Variants in BAZ2B observed in about 807,000 individuals in gnomAD.
BAZ2B encodes the protein bromodomain adjacent to zinc finger domain 2B.
A neutral mutation model predicts 246.0 loss-of-function variants in BAZ2B; 91 were observed. That is an observed-to-expected ratio of 0.37 (90% CI 0.31 to 0.44). The LOEUF is 0.44. Among genes scored for constraint, BAZ2B ranks in the 20% least tolerant of loss-of-function variants. The pLI is 1.00. For missense variants in BAZ2B, 2,332 were observed against 2,533.7 expected, an observed-to-expected ratio of 0.92 and a Z score of 1.71; for synonymous variants, 855 against 860.0, an observed-to-expected ratio of 0.99 and a Z score of 0.10.
the BAZ2B span, among the ~76,000 whole-genome samples, chr2:159,647,277 T>G: frequency 1.3e-5 from 2 of 152,166 alleles, no homozygotes; most frequent in African/African-American, 4.8e-5. Context: ...GACAATAGTT[T>G]AAGTCTGAAA....
At chr2:159,481,112 A>C (rs1218330178) in intron 2 of BAZ2B, among the ~76,000 whole-genome samples, 9 of 151,922 alleles carry the variant, frequency 5.9e-5, no homozygotes, top group Non-Finnish European at 1.5e-5. Flanking sequence ...TAGCCTTTGC[A>C]CTCTAGAATG....
At chr2:159,545,651 A>G (rs969974064) in intron 2 of BAZ2B, among the ~76,000 whole-genome samples, 1 of 152,202 alleles carries the variant, frequency 6.6e-6, no homozygotes, top group Non-Finnish European at 1.5e-5. Context: ...CACTACTAGG[A>G]AAAAGTACTG....
the BAZ2B span, among the ~76,000 whole-genome samples, chr2:159,681,095 C>T: frequency 6.6e-6 from 1 of 152,002 alleles, no homozygotes; most frequent in African/African-American, 2.4e-5. Flanking sequence ...ATAAAATGAG[C>T]CTGCTAATCT....
chr2:159,579,648 T>C (rs773943184), intron 1 of BAZ2B, among the ~76,000 whole-genome samples: 1 of 152,198 alleles, frequency 6.6e-6, no homozygotes, highest in Non-Finnish European at 1.5e-5. Context: ...CCAATATCCC[T>C]GATGAACATC....
chr2:159,435,758 G>A (rs1192494972), intron 8 of BAZ2B, among the ~76,000 whole-genome samples: 1 of 152,182 alleles, frequency 6.6e-6, no homozygotes, highest in East Asian at 1.9e-4. Context: ...CCAAAGTACT[G>A]GGATTATAGG....
chr2:159,349,858 A>G lies in BAZ2B; in HGVS notation c.4713T>C (p.Thr1571=). 6.2e-7 allele frequency: 1 copy of G among 1,614,184 alleles called. No homozygotes were observed. Among genetic ancestry groups the G allele is most frequent in the Non-Finnish European group, 8.5e-7 (1 of 1,180,020 alleles). The stretch of plus-strand genomic sequence containing the variant: ...TTGACATATCGGCATGAGTAAGTGA[A>G]GTGTCATCACAGGGTGTTCGTGGCA... ...SLLPRTPCDD[T]SLTHADMSTA... The change falls in exon 28 of 37, where the codon ACT becomes ACC. Residue 1571 remains threonine, a synonymous_variant. Transcript: ENST00000392783.
rs553494901 is a variant in BAZ2B, at chr2:159,326,495, G to A, written c.5944-577C>T. On this transcript the variant is annotated intron_variant, in intron 34 of 36. Transcript: ENST00000392783. ...TTCCACAAACTTGTGGTTCCCAGGTGTGAACAAAGCAGTGGTGAAAGATGG... is the reference window on the plus strand; with the variant it reads ...TTCCACAAACTTGTGGTTCCCAGGTATGAACAAAGCAGTGGTGAAAGATGG... 3.9e-5 allele frequency among the ~76,000 whole-genome samples: 6 copies of A among 152,266 alleles called. No individual in the cohort carries two copies. The South Asian group carries it at 1.2e-3, about 32-fold the overall frequency.
At chr2:159,385,108 A>C in intron 23 of BAZ2B, 47 bp downstream of exon 23, 1 of 1,545,194 alleles carries the variant, frequency 6.5e-7, no homozygotes, top group South Asian at 1.2e-5. Context: ...TTTGATTAGA[A>C]AAATTCAAAA....
rs532464024 is a variant in BAZ2B, at chr2:159,548,628, TCAAA to T, written c.-3+7191_-3+7194del. Among the ~76,000 whole-genome samples, 715 of 152,254 alleles carry T rather than the reference TCAAA, an allele frequency of 4.7e-3. 4 individuals carry two copies. Among genetic ancestry groups the T allele is most frequent in the African/African-American group, 0.016 (677 of 41,548 alleles). On this transcript the variant is annotated intron_variant, in intron 2 of 36. Transcript: ENST00000392783. Reference sequence around the variant, plus strand: ...TCAACACATGTATCAAAATATATTATCAAAATTAAAAATATTTAATGATAGTCAA... The same window carrying T: ...TCAACACATGTATCAAAATATATTATATTAAAAATATTTAATGATAGTCAA...
intron 3 of BAZ2B, among the ~76,000 whole-genome samples, chr2:159,475,611 A>C (rs2078429473): frequency 6.6e-6 from 1 of 152,132 alleles, no homozygotes; most frequent in African/African-American, 2.4e-5. Context: ...AGGAGATGTG[A>C]TCCTTTGTAG....
At chr2:159,412,719 T>C (rs1311784663) in intron 13 of BAZ2B, among the ~76,000 whole-genome samples, 174 bp from the exon 14 acceptor site, 1 of 152,242 alleles carries the variant, frequency 6.6e-6, no homozygotes, top group East Asian at 1.9e-4. Context: ...ATTCATGGCC[T>C]TTGGCATAGC....
In BAZ2B at chr2:159,324,282, G is replaced by A. The variant is rs149201616; in HGVS notation, c.6353+529C>T. Among the ~76,000 whole-genome samples, 716 of 152,168 alleles carry A rather than the reference G, an allele frequency of 4.7e-3. 4 individuals carry two copies. Among genetic ancestry groups the A allele is most frequent in the African/African-American group, 0.016 (684 of 41,534 alleles). ...GAAAAGCAAATAAGCTTTCTCTCCCGCATTTAATAAATGGAATTTTGGTAT... is the reference window on the plus strand; with the variant it reads ...GAAAAGCAAATAAGCTTTCTCTCCCACATTTAATAAATGGAATTTTGGTAT... On this transcript the variant is annotated intron_variant, in intron 36 of 36. Transcript: ENST00000392783.
chr2:159,438,420 T>C lies in BAZ2B; in HGVS notation c.1176A>G (p.Gln392=), dbSNP rs1418735711. The change falls in exon 8 of 37, where the codon CAA becomes CAG. Residue 392 remains glutamine (Q), a synonymous_variant. Coordinates refer to ENST00000392783, the MANE Select transcript of BAZ2B (RefSeq NM_013450.4). ...SNVKPLSLVN[Q]AKKETYMKLI... ...GTTTCATGTAAGTTTCCTTTTTGGC[T>C]TGATTTACCAAAGATAAAGGTTTCA... 1 of 1,614,062 alleles carries C rather than the reference T, an allele frequency of 6.2e-7. No homozygotes were observed. The highest frequency in any genetic ancestry group is 8.5e-7 in the Non-Finnish European group (1 of 1,180,016).
chr2:159,687,092 GGAAACT>G, the BAZ2B span, among the ~76,000 whole-genome samples: 6 of 150,054 alleles, frequency 4.0e-5, no homozygotes, highest in Admixed American at 1.3e-4. Flanking sequence ...TAACACTAGA[GGAAACT>G]GAAACTGAGA....
At chr2:159,545,465 AAG>A (rs948331306) in intron 2 of BAZ2B, among the ~76,000 whole-genome samples, 7 of 152,200 alleles carry the variant, frequency 4.6e-5, no homozygotes, top group Admixed American at 3.9e-4. Context: ...TAATTTCAAA[AAG>A]AGGAATCTAT....
intron 6 of BAZ2B, among the ~76,000 whole-genome samples, chr2:159,441,404 G>A (rs1395697526): frequency 1.3e-5 from 2 of 152,110 alleles, no homozygotes; most frequent in African/African-American, 4.8e-5. Context: ...CTGATGCAGG[G>A]AGTCTCTGCC....
chr2:159,607,456 A>G (rs2151798302), intron 1 of BAZ2B, among the ~76,000 whole-genome samples: 1 of 152,324 alleles, frequency 6.6e-6, no homozygotes, highest in African/African-American at 2.4e-5. Context: ...CAGAAAGGGT[A>G]GTTTTGTCAG....
chr2:159,521,790 A>C (rs1397207020), intron 2 of BAZ2B, among the ~76,000 whole-genome samples: 2 of 152,078 alleles, frequency 1.3e-5, no homozygotes, highest in Non-Finnish European at 2.9e-5. Flanking sequence ...ATGCTACCAG[A>C]AGAAACAAAG....
intron 8 of BAZ2B, 94 bp downstream of exon 8, chr2:159,438,209 T>C: frequency 8.7e-7 from 1 of 1,154,450 alleles, no homozygotes; most frequent in East Asian, 2.5e-5. Context: ...AAAATGAAGG[T>C]AGAATTTAAC....
Sources: gnomAD v4.1 joint callset for allele counts (sites outside exome capture counted in the v4.1 genomes callset) on GRCh38, gnomAD v4.1.1 for gene constraint, MANE v1.5 for transcripts, NCBI Gene and HGNC (gene_info 2026-07-23, HGNC 2026-07-21) for gene names.